ANGPT2: variants seen among roughly 807,000 people sequenced by gnomAD.
The protein encoded by ANGPT2 is angiopoietin-2.
A neutral mutation model predicts 62.9 loss-of-function variants in ANGPT2; 28 were observed. The ratio of observed to expected loss-of-function variants is 0.44; its 90% CI spans 0.33 to 0.61. ANGPT2 has a LOEUF of 0.61. ANGPT2 is among the 20% of genes least tolerant of loss of function. The pLI is 0.03. For synonymous variants in ANGPT2, 284 were observed against 207.8 expected (o/e 1.37, Z -3.15); for missense variants, 727 against 594.9 (o/e 1.22, Z -2.31).
intron 1 of ANGPT2, among the ~76,000 whole-genome samples, chr8:6,544,491 A>G (rs142327746): frequency 6.6e-6 from 1 of 152,298 alleles, no homozygotes; most frequent in East Asian, 1.9e-4. Context: ...GTTACGTCAA[A>G]CTGTTTTTTA....
In ANGPT2 at chr8:6,519,952, A is replaced by T. The variant is rs763812248; in HGVS notation, c.839T>A (p.Phe280Tyr). The change falls in exon 5 of 9, where the codon TTC (phenylalanine) becomes TAC (tyrosine). Residue 280 changes from phenylalanine (F) to tyrosine (Y), a missense_variant. Transcript: ENST00000629816. ...TTTGAATACTTCAGCACAGTCTCTG[A>T]AGCTGATTTGTTCTTCTTTAGCAAC... ...PTVAKEEQIS[F>Y]RDCAEVFKSG... The T allele has an allele frequency of 1.2e-6, 2 of 1,614,114 alleles. No homozygotes were observed. Among genetic ancestry groups the T allele is most frequent in the Non-Finnish European group, 1.7e-6 (2 of 1,179,984 alleles).
At chr8:6,557,416 T>C (rs529289141) in intron 1 of ANGPT2, among the ~76,000 whole-genome samples, 3 of 152,298 alleles carry the variant, frequency 2.0e-5, no homozygotes, top group African/African-American at 4.8e-5. Flanking sequence ...CCTGTTGCGA[T>C]TGCTGCCTTC....
At position 6,521,322 on chromosome 8, in the gene ANGPT2, A is replaced by G; in HGVS notation, c.655T>C (p.Leu219=). The G allele has an allele frequency of 5.0e-6, 8 of 1,613,826 alleles. No homozygotes were observed. The highest frequency in any genetic ancestry group is 6.8e-6 in the Non-Finnish European group (8 of 1,179,938). The change falls in exon 4 of 9, where the codon TTA becomes CTA. Residue 219 remains leucine, a synonymous_variant. Transcript: ENST00000629816. ...IKEEKDQLQV[L]VSKQNSIIEE... The stretch of plus-strand genomic sequence containing the variant: ...ATGATGGAATTTTGCTTGGATACTA[A>G]CACCTGTAGCTGATCTTTCTCTTCT...
chr8:6,524,978 C>G lies in ANGPT2; in HGVS notation c.566+2577G>C, dbSNP rs3020224. Among the ~76,000 whole-genome samples, 1,369 of 152,348 alleles carry G rather than the reference C, an allele frequency of 9.0e-3. 24 individuals are homozygous for G. Among genetic ancestry groups the G allele is most frequent in the African/African-American group, 0.031 (1,273 of 41,586 alleles). ...CCTGCTGTGGACCTCAGGTGCATGTCTGTCTAGGTGAATATCTATCTAAAT... is the reference window on the plus strand; with the variant it reads ...CCTGCTGTGGACCTCAGGTGCATGTGTGTCTAGGTGAATATCTATCTAAAT... On this transcript the variant is annotated intron_variant, in intron 3 of 8. Transcript: ENST00000629816.
In ANGPT2 at chr8:6,519,897, C is replaced by A. The variant is rs753656054; in HGVS notation, c.894G>T (p.Thr298=). Residue 298 remains threonine (T), a synonymous_variant, in exon 5 of 9, where the codon ACG becomes ACT. Coordinates refer to ENST00000629816, the MANE Select transcript of ANGPT2 (RefSeq NM_001118887.2). ...KSGHTTNGIY[T]LTFPNSTEEI... is the part of the protein sequence containing the mutation. ...CTTCTGTAGAATTAGGGAATGTTAA[C>A]GTGTAGATGCCATTCGTGGTGTGTC... is the stretch of plus-strand genomic sequence containing the variant. The A allele has an allele frequency of 6.2e-7, 1 of 1,614,040 alleles. No individual in the cohort carries two copies. The highest frequency in any genetic ancestry group is 8.5e-7 in the Non-Finnish European group (1 of 1,179,946).
At chr8:6,562,502 T>A (rs1233604290) in intron 1 of ANGPT2, 145 bp downstream of exon 1, 1 of 642,270 alleles carries the variant, frequency 1.6e-6, no homozygotes, top group Non-Finnish European at 2.4e-6. Context: ...ATCTTTCATT[T>A]GAGGGTACCA....
chr8:6,553,132 G>A (rs763512353), intron 1 of ANGPT2, among the ~76,000 whole-genome samples: 12 of 152,150 alleles, frequency 7.9e-5, no homozygotes, highest in Non-Finnish European at 1.0e-4. Flanking sequence ...AGATTCATCA[G>A]TTGTAACCAG....
At chr8:6,533,592 TA>T (rs769757385) in intron 1 of ANGPT2, among the ~76,000 whole-genome samples, 8 of 148,390 alleles carry the variant, frequency 5.4e-5, no homozygotes, top group Non-Finnish European at 1.2e-4. Context: ...TTTTTTTTTT[TA>T]AATAATCTAA....
intron 8 of ANGPT2, among the ~76,000 whole-genome samples, chr8:6,503,842 C>T (rs927861564): frequency 2.0e-5 from 3 of 152,210 alleles, no homozygotes; most frequent in African/African-American, 7.2e-5. Flanking sequence ...AGCACAGGGG[C>T]TGTGGGAGTG....
chr8:6,506,295 C>T (rs867843138), intron 8 of ANGPT2, among the ~76,000 whole-genome samples: 3 of 152,044 alleles, frequency 2.0e-5, no homozygotes, highest in Admixed American at 1.3e-4. Flanking sequence ...TAGGCTGGTT[C>T]ATTCATGGTC....
chr8:6,519,342 C>T (rs911127314), intron 5 of ANGPT2, among the ~76,000 whole-genome samples: 4 of 152,192 alleles, frequency 2.6e-5, no homozygotes, highest in African/African-American at 9.7e-5. Flanking sequence ...GTGGGTAAAA[C>T]TGCCACCATC....
At chr8:6,541,050 GTGTCCCGAGGCAGCT>G (rs1821464970) in intron 1 of ANGPT2, among the ~76,000 whole-genome samples, 1 of 152,106 alleles carries the variant, frequency 6.6e-6, no homozygotes, top group African/African-American at 2.4e-5. Flanking sequence ...GCTCTCATGG[GTGTCCCGAGGCAGCT>G]TGGAGCCAAC....
Position 6,513,120 on chromosome 8 carries a change from G to A in ANGPT2, c.1196+558C>T, listed in dbSNP as rs184898826. ...ATGAAAGCCAATTATCTACCAGGCA[G>A]AGTTCTTCTAGGCTTTGAAGATACA... On this transcript the variant is annotated intron_variant, in intron 7 of 8. Coordinates refer to ENST00000629816, the MANE Select transcript of ANGPT2 (RefSeq NM_001118887.2). 4.9e-4 allele frequency among the ~76,000 whole-genome samples: 75 copies of A among 152,308 alleles called. 1 individual carries two copies. Among genetic ancestry groups the A allele is most frequent in the Admixed American group, 1.8e-3 (28 of 15,302 alleles).
In ANGPT2 at chr8:6,502,053, G is replaced by A. The variant is rs1437157498; in HGVS notation, c.*1048C>T. The A allele has an allele frequency of 6.6e-6, 1 of 151,638 alleles. No homozygotes were observed. The highest frequency in any genetic ancestry group is 1.5e-5 in the Non-Finnish European group (1 of 67,950). 9.4% of individuals were successfully genotyped at this position (151,638 alleles called of 1,614,324 possible). A position where few individuals can be genotyped will look rare whatever the true frequency, so the allele number is the denominator to read the frequency against. ...GCTTTGTAAATTTCTTAAATAGAAG[G>A]CTTTTCTCAACCAGAAATTAAATTG... On this transcript the variant is annotated 3_prime_UTR_variant, in exon 9 of 9. Transcript: ENST00000629816.
chr8:6,533,825 T>C (rs1240766420), intron 1 of ANGPT2, among the ~76,000 whole-genome samples: 5 of 152,128 alleles, frequency 3.3e-5, no homozygotes, highest in Non-Finnish European at 7.4e-5. Flanking sequence ...TCCCCCAAAA[T>C]GTTAACCACT....
At chr8:6,540,713 C>T (rs778578433) in intron 1 of ANGPT2, among the ~76,000 whole-genome samples, 11 of 152,260 alleles carry the variant, frequency 7.2e-5, no homozygotes, top group Non-Finnish European at 1.6e-4. Flanking sequence ...CTCACACTGC[C>T]TTAGCTTGGG....
At chr8:6,504,240 C>T (rs1354289554) in intron 8 of ANGPT2, among the ~76,000 whole-genome samples, 1 of 149,312 alleles carries the variant, frequency 6.7e-6, no homozygotes, top group African/African-American at 2.5e-5. Context: ...ATGGCGTGAA[C>T]CCGGGAGGCG....
chr8:6,544,126 T>A (rs1822108517), intron 1 of ANGPT2, among the ~76,000 whole-genome samples: 1 of 152,236 alleles, frequency 6.6e-6, no homozygotes, highest in Non-Finnish European at 1.5e-5. Flanking sequence ...CAAACATAAC[T>A]TTTATCTTCA....
chr8:6,505,334 G>T (rs1422463017), intron 8 of ANGPT2, among the ~76,000 whole-genome samples: 381 of 30,688 alleles, frequency 0.012, 66 homozygotes, highest in Middle Eastern at 0.067. Context: ...TATACATATA[G>T]AAAGAATATA....
Sources: gnomAD v4.1 joint callset for allele counts (sites outside exome capture counted in the v4.1 genomes callset) on GRCh38, gnomAD v4.1.1 for gene constraint, MANE v1.5 for transcripts, NCBI Gene and HGNC (gene_info 2026-07-23, HGNC 2026-07-21) for gene names.